Variants in PCDH15 observed in about 807,000 individuals in gnomAD.
PCDH15 encodes protocadherin related 15, also known as protocadherin-15.
In PCDH15, 129 loss-of-function variants were observed where a neutral mutation model predicts 178.5. The ratio of observed to expected loss-of-function variants is 0.72; its 90% confidence interval spans 0.63 to 0.84. The LOEUF is 0.84. Among genes scored for constraint, PCDH15 ranks in the 40% least tolerant of loss-of-function variants. PCDH15 has a pLI of 0.00. For missense variants in PCDH15, 2,230 were observed against 2,099.9 expected (o/e 1.06, Z -1.21); for synonymous variants, 800 against 732.0 (o/e 1.09, Z -1.50).
chr10:55,428,870 T>C (rs187688005), intron 2 of PCDH15, among the ~76,000 whole-genome samples: 2 of 152,110 alleles, frequency 1.3e-5, no homozygotes, highest in Admixed American at 1.3e-4. Context: ...TTAATATCCG[T>C]TTTTCCCATT....
chr10:54,112,616 C>A (rs540790913), intron 15 of PCDH15, among the ~76,000 whole-genome samples: 1 of 152,246 alleles, frequency 6.6e-6, no homozygotes, highest in East Asian at 1.9e-4. Context: ...TTTCTACAGT[C>A]CTCCCCTGCT....
intron 9 of PCDH15, among the ~76,000 whole-genome samples, chr10:54,224,789 A>C (rs7093670): frequency 0.75 from 114,649 of 151,910 alleles, 44,557 homozygotes; most frequent in African/African-American, 0.86. Context: ...TTTTCAGCTA[A>C]TATGTTCTCT....
chr10:55,589,361 TTATAGA>T (rs1589160292), intron 2 of PCDH15, among the ~76,000 whole-genome samples: 1 of 152,274 alleles, frequency 6.6e-6, no homozygotes, highest in East Asian at 1.9e-4. Context: ...AGATCAGTAG[TTATAGA>T]TATACGGCGT....
intron 32 of PCDH15, among the ~76,000 whole-genome samples, chr10:53,824,507 T>C (rs1588951068): frequency 6.6e-6 from 1 of 152,190 alleles, no homozygotes; most frequent in African/African-American, 2.4e-5. Flanking sequence ...CAGTTGTTAA[T>C]GTGTCTTTTG....
intron 2 of PCDH15, among the ~76,000 whole-genome samples, chr10:54,963,658 T>C (rs961688876): frequency 1.3e-5 from 2 of 152,238 alleles, no homozygotes; most frequent in African/African-American, 4.8e-5. Context: ...GCCACCATTT[T>C]GCAAGATCCT....
At chr10:55,105,330 C>T (rs1842649973) in intron 2 of PCDH15, among the ~76,000 whole-genome samples, 1 of 151,932 alleles carries the variant, frequency 6.6e-6, no homozygotes, top group African/African-American at 2.4e-5. Context: ...TTTCTAAATA[C>T]ATTTATTGGA....
intron 2 of PCDH15, among the ~76,000 whole-genome samples, chr10:55,421,762 T>A (rs957075995): frequency 6.6e-6 from 1 of 151,656 alleles, no homozygotes; most frequent in South Asian, 2.1e-4. Flanking sequence ...GTGGTTCTTT[T>A]GTTGTGAATC....
intron 3 of PCDH15, among the ~76,000 whole-genome samples, chr10:54,886,069 T>C (rs973173095): frequency 6.9e-6 from 1 of 145,210 alleles, no homozygotes; most frequent in African/African-American, 2.9e-5. Flanking sequence ...AAGAAGCTAT[T>C]TTCAGAATAA....
intron 37 of PCDH15, chr10:53,808,554 T>C (rs2075742521): frequency 6.9e-7 from 1 of 1,442,148 alleles, no homozygotes. Context: ...TTCACTTTTC[T>C]GGCATGCTTC....
chr10:54,174,051 C>T (rs1393866880), intron 13 of PCDH15, among the ~76,000 whole-genome samples: 1 of 152,050 alleles, frequency 6.6e-6, no homozygotes, highest in African/African-American at 2.4e-5. Context: ...TACAGGATAT[C>T]GATTATGGGC....
At chr10:53,980,451 T>C (rs564679969) in intron 21 of PCDH15, among the ~76,000 whole-genome samples, 94 of 152,132 alleles carry the variant, frequency 6.2e-4, no homozygotes, top group African/African-American at 2.2e-3. Context: ...TACAGTGCCA[T>C]GGATGACATC....
At chr10:55,060,100 A>G (rs1246929602) in intron 2 of PCDH15, among the ~76,000 whole-genome samples, 1 of 152,064 alleles carries the variant, frequency 6.6e-6, no homozygotes, top group Non-Finnish European at 1.5e-5. Context: ...TAGAATACAC[A>G]TAAAATAAAG....
rs180991497 is a variant in PCDH15, at chr10:54,145,498, T to G, written c.1784+7602A>C. On this transcript the variant is annotated intron_variant, in intron 14 of 37. Coordinates refer to ENST00000644397, the MANE Select transcript of PCDH15 (RefSeq NM_001384140.1). ...GATGTTCACAGATTGTATTCTATTA[T>G]TTTTGAAATACATATAGAAATCTAC... is the stretch of plus-strand genomic sequence containing the variant. 6.6e-5 allele frequency among the ~76,000 whole-genome samples: 10 copies of G among 152,234 alleles called. No homozygotes were observed. In the East Asian group the frequency reaches 1.9e-3, roughly 29 times the overall value.
At chr10:55,601,778 T>C (rs1843086059) in intron 2 of PCDH15, among the ~76,000 whole-genome samples, 1 of 152,092 alleles carries the variant, frequency 6.6e-6, no homozygotes, top group Non-Finnish European at 1.5e-5. Context: ...ACTGACTAGA[T>C]ACAAGAATAA....
At position 54,227,738 on chromosome 10, in the gene PCDH15, C is replaced by A. The variant is rs189698560; in HGVS notation, c.985+9085G>T. ...TAATAAAACTGAATGCCTTTAACAG[C>A]ACCCAAGTCACCTCTTGAATGCTTT... is the stretch of plus-strand genomic sequence containing the variant. On this transcript the variant is annotated intron_variant, in intron 9 of 37. Coordinates refer to ENST00000644397, the MANE Select transcript of PCDH15 (RefSeq NM_001384140.1). 5.4e-4 allele frequency among the ~76,000 whole-genome samples: 83 copies of A among 152,310 alleles called. 1 individual carries two copies. The East Asian group carries it at 8.1e-3, about 15-fold the overall frequency.
intron 3 of PCDH15, among the ~76,000 whole-genome samples, chr10:54,834,841 T>C (rs1953288055): frequency 1.3e-5 from 2 of 152,328 alleles, no homozygotes; most frequent in South Asian, 4.1e-4. Flanking sequence ...ATGTTGTTTC[T>C]AAAAGTGTCT....
chr10:54,816,639 G>A (rs1952954137), intron 3 of PCDH15, among the ~76,000 whole-genome samples: 1 of 151,912 alleles, frequency 6.6e-6, no homozygotes, highest in African/African-American at 2.4e-5. Flanking sequence ...AAAGCTAAAG[G>A]AATTCACTTT....
In PCDH15 at chr10:55,271,390, C is replaced by A. The variant is rs905165115; in HGVS notation, c.-156+48209G>T. On this transcript the variant is annotated intron_variant, in intron 1 of 5. Coordinates refer to the PCDH15 transcript ENST00000458638. ...CCATAGAGAAAAAAAGGATTTTTTT[C>A]TCTGATGGTTGAAAAAGGGTAGTTT... Among the ~76,000 whole-genome samples the A allele has an allele frequency of 1.6e-4, 25 of 151,816 alleles. 1 individual carries two copies. The highest frequency in any genetic ancestry group is 6.0e-4 in the African/African-American group (25 of 41,378).
At chr10:55,315,435 A>G (rs1162224158) in intron 1 of PCDH15, among the ~76,000 whole-genome samples, 1 of 152,154 alleles carries the variant, frequency 6.6e-6, no homozygotes, top group Non-Finnish European at 1.5e-5. Flanking sequence ...TTCCAAAGAT[A>G]TAAATTATAG....
Sources: allele counts gnomAD v4.1 joint callset (sites outside exome capture counted in the v4.1 genomes callset), GRCh38; gene constraint gnomAD v4.1.1; transcripts MANE v1.5; gene names NCBI Gene and HGNC (gene_info 2026-07-23, HGNC 2026-07-21).